Variants in GSTA3 observed in about 807,000 individuals in gnomAD.
GSTA3 encodes glutathione S-transferase alpha 3.
A neutral mutation model predicts 23.1 loss-of-function variants in GSTA3; 16 were observed. The observed-to-expected ratio is 0.69, with a 90% CI of 0.47 to 1.05. The LOEUF is 1.05. GSTA3 is among the 50% of genes least tolerant of loss of function. The pLI is 0.00. For missense variants in GSTA3, 319 were observed against 263.6 expected (o/e 1.21, Z -1.46); for synonymous variants, 122 against 91.0 (o/e 1.34, Z -1.94).
At chr6:52,899,832 G>A (rs1765604451) in intron 5 of GSTA3, 102 bp downstream of exon 5, 11 of 1,073,104 alleles carry the variant, frequency 1.0e-5, no homozygotes, top group Admixed American at 4.1e-5. Flanking sequence ...TGTTCAGGAA[G>A]TCTCACTGAA....
intron 2 of GSTA3, among the ~76,000 whole-genome samples, chr6:52,904,808 A>G (rs1296818390): frequency 1.3e-5 from 2 of 152,176 alleles, no homozygotes; most frequent in Admixed American, 6.5e-5. Flanking sequence ...TCCTGCTCAA[A>G]CACTGGGAGG....
At chr6:52,898,036 C>G in intron 5 of GSTA3, 80 bp from the exon 6 acceptor site, 1 of 1,508,426 alleles carries the variant, frequency 6.6e-7, no homozygotes, top group Admixed American at 1.7e-5. Flanking sequence ...TCTTTCCAGC[C>G]TGACATTCCC....
chr6:52,902,323 G>A, intron 4 of GSTA3, 23 bp downstream of exon 4: 2 of 1,611,618 alleles, frequency 1.2e-6, no homozygotes, highest in Non-Finnish European at 1.7e-6. Context: ...TCTGTGGATG[G>A]AAGAACACAA....
At position 52,902,332 on chromosome 6, in the gene GSTA3, A is replaced by C. The variant is rs374383889; in HGVS notation, c.272+14T>G. The C allele has an allele frequency of 7.4e-6, 12 of 1,612,334 alleles. No homozygotes were observed. The highest frequency in any genetic ancestry group is 1.0e-5 in the Non-Finnish European group (12 of 1,179,510). On this transcript the variant is annotated intron_variant, in intron 4 of 6. Coordinates refer to ENST00000211122, the MANE Select transcript of GSTA3 (RefSeq NM_000847.5). ...GTGTTCTCTGTGGATGGAAGAACAC[A>C]AAATATACCGTACAGGGCTCTCTCC...
rs1235278593 is a variant in GSTA3, at chr6:52,906,447, G to A, written c.-21-592C>T. Among the ~76,000 whole-genome samples the A allele has an allele frequency of 2.6e-5, 4 of 152,108 alleles. No individual in the cohort carries two copies. In the South Asian group the frequency reaches 6.2e-4, roughly 24 times the overall value. ...TTAGCTACCAATGACTTTCTTCACAGAATTGGAAAAAACTTCTTTAAAGTT... is the reference window on the plus strand; with the variant it reads ...TTAGCTACCAATGACTTTCTTCACAAAATTGGAAAAAACTTCTTTAAAGTT... On this transcript the variant is annotated intron_variant, in intron 1 of 6. Coordinates refer to ENST00000211122, the MANE Select transcript of GSTA3 (RefSeq NM_000847.5).
chr6:52,899,454 C>T, intron 5 of GSTA3, among the ~76,000 whole-genome samples: 1 of 152,178 alleles, frequency 6.6e-6, no homozygotes, highest in Non-Finnish European at 1.5e-5. Context: ...TCTTCCTCTC[C>T]ACCCCACTGT....
chr6:52,897,720 C>T lies in GSTA3; in HGVS notation c.546+105G>A, dbSNP rs567479398. Reference sequence around the variant, plus strand: ...TTGGAGACCTGGGGGTACTGAAGGCCTGAAAAAGGCTGGGGTCAGAACATG... The same window carrying T: ...TTGGAGACCTGGGGGTACTGAAGGCTTGAAAAAGGCTGGGGTCAGAACATG... On this transcript the variant is annotated intron_variant, in intron 6 of 6. Transcript: ENST00000211122. The T allele has an allele frequency of 6.9e-5, 91 of 1,321,664 alleles. No homozygotes were observed. In the African/African-American group the frequency reaches 1.2e-3, roughly 17 times the overall value. 81.9% of individuals were successfully genotyped at this position (1,321,664 alleles called of 1,614,324 possible).
rs1765872414 is a variant in GSTA3 at position 52,905,803 on chromosome 6, T to C, written c.32A>G (p.Asn11Ser). 1.2e-6 allele frequency: 2 copies of C among 1,610,282 alleles called. No individual in the cohort carries two copies. Among genetic ancestry groups the C allele is most frequent in the African/African-American group, 2.7e-5 (2 of 74,694 alleles). ...GATGGGCTCCATTCTGCCCCGTCCA[T>C]TGAAGTAGTGAAGCTTGGGCTTCCC... MAGKPKLHYF[N>S]GRGRMEPIRW... is the part of the protein sequence containing the mutation. The change falls in exon 2 of 7, where the codon AAT becomes AGT. Residue 11 changes from asparagine to serine, a missense_variant. By Grantham distance (46) the Asn-to-Ser change is conservative. Transcript: ENST00000211122.
intron 1 of GSTA3, 108 bp from the exon 2 acceptor site, chr6:52,905,963 T>C (rs937362034): frequency 1.3e-4 from 66 of 523,512 alleles, no homozygotes; most frequent in Non-Finnish European, 1.8e-4. Context: ...TCCTTCCTCA[T>C]AGCAGGATTG....
chr6:52,899,380 C>G (rs906009383), intron 5 of GSTA3, among the ~76,000 whole-genome samples: 1 of 152,136 alleles, frequency 6.6e-6, no homozygotes, highest in African/African-American at 2.4e-5. Flanking sequence ...AATCTGCAAG[C>G]TGAAGTGTCT....
At chr6:52,906,411 C>T (rs149736503) in intron 1 of GSTA3, among the ~76,000 whole-genome samples, 140 of 152,236 alleles carry the variant, frequency 9.2e-4, no homozygotes, top group African/African-American at 3.1e-3. Context: ...AGCCTGCAGA[C>T]GTTACCATTT....
At chr6:52,901,674 TCTACA>T (rs1403165562) in intron 4 of GSTA3, among the ~76,000 whole-genome samples, 5 of 152,250 alleles carry the variant, frequency 3.3e-5, no homozygotes, top group Non-Finnish European at 7.3e-5. Context: ...CATTGGTAAC[TCTACA>T]CTAAACTTTT....
At chr6:52,903,623 G>T (rs2127360952) in intron 3 of GSTA3, 53 bp downstream of exon 3, 2 of 933,468 alleles carry the variant, frequency 2.1e-6, no homozygotes, top group Non-Finnish European at 3.4e-6. Flanking sequence ...ATCTTCAGCG[G>T]TACCTTCTCT....
chr6:52,902,248 T>C, intron 4 of GSTA3, 98 bp downstream of exon 4: 1 of 1,476,922 alleles, frequency 6.8e-7, no homozygotes. Flanking sequence ...CCCAGCCTGC[T>C]CCTGGTCATG....
intron 3 of GSTA3, among the ~76,000 whole-genome samples, chr6:52,903,157 A>G (rs1056448574): frequency 2.0e-5 from 3 of 152,108 alleles, no homozygotes; most frequent in Admixed American, 1.3e-4. Flanking sequence ...AGATACTCTG[A>G]GAGGTCTGGC....
At chr6:52,900,812 G>A (rs918810270) in intron 4 of GSTA3, among the ~76,000 whole-genome samples, 8 of 152,170 alleles carry the variant, frequency 5.3e-5, no homozygotes, top group Admixed American at 3.3e-4. Context: ...GTAATCCCAA[G>A]AGAGTCCCTG....
rs189816953 is a variant in GSTA3 at position 52,900,407 on chromosome 6, C to T, written c.273-332G>A. Among the ~76,000 whole-genome samples, 88 of 151,774 alleles carry T rather than the reference C, an allele frequency of 5.8e-4. 2 individuals are homozygous for T. Among genetic ancestry groups the T allele is most frequent in the Middle Eastern group, 3.4e-3 (1 of 294 alleles). On this transcript the variant is annotated intron_variant, in intron 4 of 6. Coordinates refer to ENST00000211122, the MANE Select transcript of GSTA3 (RefSeq NM_000847.5). ...CCTCCAGAGTAGCTGGGATTACAGA[C>T]GCCTGCCAATATGCCCAGATAATTT...
chr6:52,909,180 A>C (rs1412106941), intron 1 of GSTA3, among the ~76,000 whole-genome samples: 2 of 152,184 alleles, frequency 1.3e-5, no homozygotes, highest in Non-Finnish European at 2.9e-5. Context: ...CTCTAGAGGA[A>C]TACGACCATC....
In GSTA3 at chr6:52,903,638, G is replaced by A. The variant is rs12191573; in HGVS notation, c.139+38C>T. The A allele has an allele frequency of 5.5e-6, 6 of 1,087,508 alleles. No homozygotes were observed. In the South Asian group the frequency reaches 6.5e-5, roughly 12 times the overall value. 67.4% of individuals were successfully genotyped at this position (1,087,508 alleles called of 1,614,324 possible). On this transcript the variant is annotated intron_variant, in intron 3 of 6. Coordinates refer to ENST00000211122, the MANE Select transcript of GSTA3 (RefSeq NM_000847.5). Reference sequence around the variant, plus strand: ...ATCTTCAGCGGTACCTTCTCTACTAGATACCCTCATCAGAGGCACTTAGAG... The same window carrying A: ...ATCTTCAGCGGTACCTTCTCTACTAAATACCCTCATCAGAGGCACTTAGAG...
Sources: allele counts gnomAD v4.1 joint callset (sites outside exome capture counted in the v4.1 genomes callset), GRCh38; gene constraint gnomAD v4.1.1; transcripts MANE v1.5; gene names NCBI Gene and HGNC (gene_info 2026-07-23, HGNC 2026-07-21).